Variants in PLXNA4 observed in about 807,000 individuals in gnomAD.
The protein encoded by PLXNA4 is plexin-A4.
A neutral mutation model predicts 191.8 loss-of-function variants in PLXNA4; 44 were observed. The observed-to-expected ratio is 0.23, with a 90% CI of 0.18 to 0.29. The LOEUF (loss-of-function observed/expected upper bound fraction) is 0.29. Among genes scored for constraint, PLXNA4 ranks in the 10% least tolerant of loss-of-function variants. The pLI, the probability that PLXNA4 is intolerant of heterozygous loss-of-function variation, is 1.00. For missense variants in PLXNA4, 1,800 were observed against 2,488.8 expected (o/e 0.72, Z 5.89); for synonymous variants, 1,082 against 1,009.5 (o/e 1.07, Z -1.36).
At chr7:132,216,703 C>T (rs1584857576) in intron 9 of PLXNA4, among the ~76,000 whole-genome samples, 2 of 152,288 alleles carry the variant, frequency 1.3e-5, no homozygotes, top group South Asian at 4.2e-4. Flanking sequence ...TATAAGATCA[C>T]TCCTATGTTC....
intron 31 of PLXNA4, 30 bp from the exon 32 acceptor site, chr7:132,130,604 C>A (rs1794899426): frequency 6.2e-7 from 1 of 1,613,838 alleles, no homozygotes; most frequent in South Asian, 1.1e-5. Flanking sequence ...AGGGAGATTA[C>A]TCATTTGTGT....
intron 4 of PLXNA4, among the ~76,000 whole-genome samples, chr7:132,251,440 T>C (rs897246656): frequency 1.3e-5 from 2 of 152,090 alleles, no homozygotes; most frequent in African/African-American, 4.8e-5. Context: ...CGGTGACACC[T>C]AACTCCTGGC....
intron 3 of PLXNA4, among the ~76,000 whole-genome samples, chr7:132,322,417 A>G (rs188072239): frequency 1.7e-3 from 255 of 152,196 alleles, no homozygotes; most frequent in African/African-American, 5.5e-3. Flanking sequence ...TCCTGGCCTC[A>G]AGTGATCCAC....
At chr7:132,146,318 TG>T (rs1237644020) in intron 28 of PLXNA4, among the ~76,000 whole-genome samples, 191 bp downstream of exon 28, 1 of 152,144 alleles carries the variant, frequency 6.6e-6, no homozygotes, top group Non-Finnish European at 1.5e-5. Flanking sequence ...TGGCAGGGTT[TG>T]CCTGGAGTTC....
At chr7:132,235,581 G>A (rs1798671291) in intron 5 of PLXNA4, among the ~76,000 whole-genome samples, 1 of 152,206 alleles carries the variant, frequency 6.6e-6, no homozygotes, top group South Asian at 2.1e-4. Flanking sequence ...GAGACTTTAT[G>A]AAAGCTGATC....
chr7:132,228,214 C>T, intron 6 of PLXNA4, 132 bp downstream of exon 6: 1 of 1,208,326 alleles, frequency 8.3e-7, no homozygotes, highest in Non-Finnish European at 1.2e-6. Context: ...ATCCTGCACC[C>T]TTCTCTTGAG....
At chr7:132,396,313 C>G (rs1465312015) in intron 3 of PLXNA4, among the ~76,000 whole-genome samples, 1 of 152,118 alleles carries the variant, frequency 6.6e-6, no homozygotes, top group Non-Finnish European at 1.5e-5. Context: ...GAAGAATAGC[C>G]AACACATATG....
chr7:132,245,600 C>G (rs998218064), intron 4 of PLXNA4, among the ~76,000 whole-genome samples: 1 of 152,154 alleles, frequency 6.6e-6, no homozygotes, highest in Non-Finnish European at 1.5e-5. Context: ...GCAAAACAAC[C>G]AAAAGCAGGA....
chr7:132,303,566 C>T (rs1801396738), intron 3 of PLXNA4, among the ~76,000 whole-genome samples: 1 of 152,008 alleles, frequency 6.6e-6, no homozygotes, highest in African/African-American at 2.4e-5. Flanking sequence ...AAGACTCCGT[C>T]TCAAAAAAGA....
chr7:132,472,093 G>A (rs1027567713), intron 3 of PLXNA4, among the ~76,000 whole-genome samples: 3 of 152,106 alleles, frequency 2.0e-5, no homozygotes, highest in Non-Finnish European at 2.9e-5. Context: ...CTCCATTATC[G>A]TCTACAAGCC....
chr7:132,407,787 A>G (rs1337048871), intron 3 of PLXNA4, among the ~76,000 whole-genome samples: 1 of 152,226 alleles, frequency 6.6e-6, no homozygotes, highest in Admixed American at 6.5e-5. Flanking sequence ...TTCATATCAC[A>G]ATCTCTGCTA....
chr7:132,437,898 A>G (rs900136076), intron 3 of PLXNA4, among the ~76,000 whole-genome samples: 1 of 152,150 alleles, frequency 6.6e-6, no homozygotes, highest in Non-Finnish European at 1.5e-5. Context: ...ACTGAGAAAG[A>G]GAGGTGAAGA....
chr7:132,635,170 T>TTATTTATATATATATATATATATA (rs1470708373), intron 2 of PLXNA4, among the ~76,000 whole-genome samples: 40 of 131,816 alleles, frequency 3.0e-4, no homozygotes, highest in Middle Eastern at 7.9e-3. Context: ...AAACTCCCCT[T>TTATTTATATATATATATATATATA]TATATATATA....
At chr7:132,240,288 G>A (rs1020581064) in intron 5 of PLXNA4, among the ~76,000 whole-genome samples, 9 of 152,176 alleles carry the variant, frequency 5.9e-5, no homozygotes, top group South Asian at 2.1e-4. Flanking sequence ...AAGGGTCTTC[G>A]GATCCCCAAA....
intron 21 of PLXNA4, among the ~76,000 whole-genome samples, chr7:132,171,610 C>T (rs1264194900): frequency 1.3e-5 from 2 of 152,172 alleles, no homozygotes; most frequent in African/African-American, 4.8e-5. Context: ...TGTGAGGATC[C>T]ACTCTGGGAT....
At chr7:132,169,888 G>T (rs1796233143) in intron 21 of PLXNA4, among the ~76,000 whole-genome samples, 1 of 152,062 alleles carries the variant, frequency 6.6e-6, no homozygotes, top group Non-Finnish European at 1.5e-5. Context: ...TATAGGATCT[G>T]CCCCCAAGGG....
chr7:132,563,144 C>G (rs1385955686), intron 1 of PLXNA4, among the ~76,000 whole-genome samples: 1 of 88,856 alleles, frequency 1.1e-5, no homozygotes, highest in African/African-American at 4.2e-5. Flanking sequence ...TCCTTCTCCT[C>G]TTCCTCCTTC....
intron 1 of PLXNA4, among the ~76,000 whole-genome samples, chr7:132,510,590 A>C (rs906127123): frequency 6.6e-6 from 1 of 152,238 alleles, no homozygotes; most frequent in Non-Finnish European, 1.5e-5. Context: ...GATACGCACG[A>C]CAAAAAGTCA....
chr7:132,360,903 T>G (rs1270514896), intron 3 of PLXNA4, among the ~76,000 whole-genome samples: 2 of 152,176 alleles, frequency 1.3e-5, no homozygotes, highest in African/African-American at 4.8e-5. Flanking sequence ...TGAATGCACA[T>G]TTTATCCCTG....
Sources: gnomAD v4.1 joint callset for allele counts (sites outside exome capture counted in the v4.1 genomes callset) on GRCh38, gnomAD v4.1.1 for gene constraint, MANE v1.5 for transcripts, NCBI Gene and HGNC (gene_info 2026-07-23, HGNC 2026-07-21) for gene names.